The following ZNF704 variants were observed in gnomAD, a reference collection of about 807,000 sequenced individuals.
ZNF704 encodes zinc finger protein 704.
ZNF704 carries 10 observed loss-of-function variants against 44.7 expected under a neutral mutation model. That is an observed-to-expected ratio of 0.22 (90% CI 0.14 to 0.38). The LOEUF (loss-of-function observed/expected upper bound fraction) is 0.38, where lower values mean the gene tolerates loss of function less well. Ranked by LOEUF, ZNF704 falls within the 10% of genes least tolerant of loss-of-function variation. The pLI, the probability that ZNF704 is intolerant of heterozygous loss-of-function variation, is 1.00. For synonymous variants in ZNF704, 211 were observed against 207.6 expected (o/e 1.02, Z -0.14); for missense variants, 390 against 545.5 (o/e 0.71, Z 2.84).
At chr8:80,653,084 T>C (rs1199731395) in intron 7 of ZNF704, among the ~76,000 whole-genome samples, 3 of 152,160 alleles carry the variant, frequency 2.0e-5, no homozygotes, top group Admixed American at 6.5e-5. Context: ...ATTATCTCAA[T>C]AGATGCAGAA....
intron 7 of ZNF704, among the ~76,000 whole-genome samples, chr8:80,644,195 C>T (rs988616968): frequency 6.6e-6 from 1 of 152,214 alleles, no homozygotes; most frequent in East Asian, 1.9e-4. Context: ...AGTAACTTGC[C>T]AAAGGTCATG....
chr8:80,652,136 C>T (rs1319567636), intron 7 of ZNF704, among the ~76,000 whole-genome samples: 23 of 152,314 alleles, frequency 1.5e-4, no homozygotes, highest in African/African-American at 5.5e-4. Flanking sequence ...AAAGACACAA[C>T]ATACCAGAAT....
At chr8:80,714,348 T>A (rs1260225742) in intron 2 of ZNF704, among the ~76,000 whole-genome samples, 1 of 152,216 alleles carries the variant, frequency 6.6e-6, no homozygotes, top group Non-Finnish European at 1.5e-5. Flanking sequence ...AATTCTGCAC[T>A]ATTCAAAAGT....
intron 2 of ZNF704, among the ~76,000 whole-genome samples, chr8:80,703,934 CTTAT>C (rs1289050268): frequency 6.6e-6 from 1 of 152,142 alleles, no homozygotes; most frequent in African/African-American, 2.4e-5. Context: ...GACCTGGTGA[CTTAT>C]TTGTTTCCTC....
chr8:80,730,736 C>T (rs1274278756), intron 2 of ZNF704, among the ~76,000 whole-genome samples: 1 of 151,926 alleles, frequency 6.6e-6, no homozygotes, highest in Non-Finnish European at 1.5e-5. Context: ...TACTTCTAAA[C>T]TTTGCCCTGG....
intron 2 of ZNF704, among the ~76,000 whole-genome samples, chr8:80,817,991 G>A (rs567935565): frequency 2.6e-5 from 4 of 152,258 alleles, no homozygotes; most frequent in Non-Finnish European, 4.4e-5. Flanking sequence ...TGGGTTTGTA[G>A]CAGGTACTCA....
At chr8:80,780,438 TG>T (rs1475975023) in intron 2 of ZNF704, among the ~76,000 whole-genome samples, 5 of 152,052 alleles carry the variant, frequency 3.3e-5, no homozygotes, top group African/African-American at 1.2e-4. Flanking sequence ...CAGCGGCATG[TG>T]TATTGAGTTG....
At chr8:80,843,354 A>G (rs1193269991) in intron 1 of ZNF704, among the ~76,000 whole-genome samples, 2 of 152,220 alleles carry the variant, frequency 1.3e-5, no homozygotes, top group Non-Finnish European at 2.9e-5. Flanking sequence ...TTATCATAAG[A>G]CCATATACAG....
chr8:80,658,270 A>G (rs1395209062), intron 7 of ZNF704, among the ~76,000 whole-genome samples: 2 of 152,042 alleles, frequency 1.3e-5, no homozygotes, highest in Non-Finnish European at 2.9e-5. Context: ...AATTAATAGG[A>G]TGCAGAAAAG....
intron 2 of ZNF704, among the ~76,000 whole-genome samples, chr8:80,794,087 T>C (rs1807758448): frequency 6.6e-6 from 1 of 152,128 alleles, no homozygotes; most frequent in Middle Eastern, 3.4e-3. Flanking sequence ...AAAATTGACA[T>C]TAGTTGGACA....
At chr8:80,646,068 C>A (rs1037957246) in intron 7 of ZNF704, among the ~76,000 whole-genome samples, 1 of 152,178 alleles carries the variant, frequency 6.6e-6, no homozygotes, top group Non-Finnish European at 1.5e-5. Context: ...CAGAGGCTGG[C>A]ATGTTGATGT....
intron 2 of ZNF704, among the ~76,000 whole-genome samples, chr8:80,821,108 T>A (rs1305850994): frequency 1.3e-5 from 2 of 152,236 alleles, no homozygotes; most frequent in Non-Finnish European, 2.9e-5. Flanking sequence ...TTGCATTTAT[T>A]CCTTTGCTCT....
chr8:80,703,865 G>A (rs886131540), intron 2 of ZNF704, among the ~76,000 whole-genome samples: 7 of 152,196 alleles, frequency 4.6e-5, no homozygotes. Flanking sequence ...GGGAAGCATA[G>A]AACACGTATC....
intron 2 of ZNF704, among the ~76,000 whole-genome samples, chr8:80,799,600 C>T (rs1807865348): frequency 6.6e-6 from 1 of 152,064 alleles, no homozygotes; most frequent in Admixed American, 6.6e-5. Context: ...GAAAAACAAA[C>T]AGAAAACAAC....
intron 2 of ZNF704, among the ~76,000 whole-genome samples, chr8:80,784,905 C>A (rs1279982095): frequency 6.6e-6 from 1 of 152,178 alleles, no homozygotes; most frequent in Non-Finnish European, 1.5e-5. Flanking sequence ...GACAGAAAAA[C>A]TGAGACGATA....
At chr8:80,713,084 A>G (rs570048128) in intron 2 of ZNF704, among the ~76,000 whole-genome samples, 2 of 152,008 alleles carry the variant, frequency 1.3e-5, no homozygotes, top group African/African-American at 4.8e-5. Flanking sequence ...TTCAGTAGAG[A>G]TGAGGTTTCA....
chr8:80,830,849 C>G (rs1003744738), intron 1 of ZNF704, among the ~76,000 whole-genome samples: 2 of 150,374 alleles, frequency 1.3e-5, no homozygotes, highest in African/African-American at 4.9e-5. Flanking sequence ...CCTCTGCCTC[C>G]CAGGTTCAAG....
At chr8:80,864,831 T>C (rs1809127819) in intron 1 of ZNF704, among the ~76,000 whole-genome samples, 1 of 152,100 alleles carries the variant, frequency 6.6e-6, no homozygotes, top group South Asian at 2.1e-4. Flanking sequence ...ATAGCAGCTT[T>C]AAGAAATATA....
rs571841010 is a variant in ZNF704, at chr8:80,674,226, G to C, written c.559-3623C>G. On this transcript the variant is annotated intron_variant, in intron 4 of 8. Coordinates refer to ENST00000327835, the MANE Select transcript of ZNF704 (RefSeq NM_001033723.3). ...TGAAATGTAAGATGCGCCAGATGGG[G>C]CGATTTAAATCCCACCTTCAAACCT... Among the ~76,000 whole-genome samples, 10 of 152,294 alleles carry C rather than the reference G, an allele frequency of 6.6e-5. 1 individual carries two copies. The South Asian group carries it at 2.1e-3, about 32-fold the overall frequency.
Sources: allele counts gnomAD v4.1 joint callset (sites outside exome capture counted in the v4.1 genomes callset), GRCh38; gene constraint gnomAD v4.1.1; transcripts MANE v1.5; gene names NCBI Gene and HGNC (gene_info 2026-07-23, HGNC 2026-07-21).